The following IL12RB1 variants were observed in gnomAD, a reference collection of about 807,000 sequenced individuals.
IL12RB1 encodes interleukin-12 receptor subunit beta-1.
Under a neutral mutation model 94.4 loss-of-function variants are expected in IL12RB1, and 64 were observed. That is an observed-to-expected ratio of 0.68 (90% CI 0.55 to 0.83). The LOEUF (loss-of-function observed/expected upper bound fraction) is 0.83. Among genes scored for constraint, IL12RB1 ranks in the 40% least tolerant of loss-of-function variants. IL12RB1 has a pLI of 0.00. For missense variants in IL12RB1, 814 were observed against 855.6 expected (o/e 0.95, Z 0.61); for synonymous variants, 362 against 355.5 (o/e 1.02, Z -0.21).
chr19:18,075,872 G>A lies in IL12RB1; in HGVS notation c.581-4C>T. On this transcript the variant is annotated splice_region_variant and splice_polypyrimidine_tract_variant and intron_variant, in intron 6 of 16. Coordinates refer to ENST00000593993, the MANE Select transcript of IL12RB1 (RefSeq NM_005535.3). ...TCCAGGGGGCAGAGGCAGGACTCTG[G>A]GGAGAGGCAGGTCGAACATCAGGCC... 1 of 1,613,102 alleles carries A rather than the reference G, an allele frequency of 6.2e-7. No individual in the cohort carries two copies. The highest frequency in any genetic ancestry group is 1.1e-5 in the South Asian group (1 of 91,062).
intron 4 of IL12RB1, among the ~76,000 whole-genome samples, chr19:18,078,490 A>T (rs62121128): frequency 0.1 from 15,576 of 151,946 alleles, 949 homozygotes; most frequent in East Asian, 0.28. Context: ...AGTGAAGATA[A>T]CTTTAAAATA....
chr19:18,059,730 T>A, intron 16 of IL12RB1, 117 bp from the exon 17 acceptor site: 1 of 751,106 alleles, frequency 1.3e-6, no homozygotes. Flanking sequence ...AACCAGCCGT[T>A]GTGATTGAGA....
At chr19:18,060,247 G>C (rs1293431017) in intron 15 of IL12RB1, among the ~76,000 whole-genome samples, 162 bp from the exon 16 acceptor site, 4 of 152,214 alleles carry the variant, frequency 2.6e-5, no homozygotes, top group African/African-American at 7.2e-5. Flanking sequence ...GGGAGGCTGA[G>C]GCGGGTGGAT....
At chr19:18,067,092 G>T (rs1004451743) in intron 11 of IL12RB1, among the ~76,000 whole-genome samples, 3 of 151,296 alleles carry the variant, frequency 2.0e-5, no homozygotes, top group Admixed American at 6.6e-5. Context: ...GGGAGGCCAA[G>T]GTGGGTAGAT....
At chr19:18,064,208 C>T (rs1379019271) in intron 12 of IL12RB1, among the ~76,000 whole-genome samples, 198 bp from the exon 13 acceptor site, 3 of 144,970 alleles carry the variant, frequency 2.1e-5, no homozygotes, top group African/African-American at 5.2e-5. Flanking sequence ...GGCGCCATCT[C>T]GGCTCACTGC....
At chr19:18,070,079 G>T (rs2034913641) in intron 9 of IL12RB1, among the ~76,000 whole-genome samples, 2 of 152,020 alleles carry the variant, frequency 1.3e-5, no homozygotes, top group East Asian at 3.9e-4. Flanking sequence ...CCATTTCCTG[G>T]CTAATTTATT....
intron 7 of IL12RB1, among the ~76,000 whole-genome samples, chr19:18,075,236 T>C (rs2035371858): frequency 6.6e-6 from 1 of 150,656 alleles, no homozygotes; most frequent in African/African-American, 2.4e-5. Context: ...TCTTTTTCCA[T>C]TTTATTTTAT....
At chr19:18,060,289 G>C (rs551451708) in intron 15 of IL12RB1, among the ~76,000 whole-genome samples, 1 of 152,252 alleles carries the variant, frequency 6.6e-6, no homozygotes, top group Non-Finnish European at 1.5e-5. Context: ...GACCAGCCTG[G>C]AGAACATGGC....
intron 14 of IL12RB1, 34 bp downstream of exon 14, chr19:18,062,147 C>A: frequency 7.2e-7 from 1 of 1,394,658 alleles, no homozygotes; most frequent in South Asian, 1.2e-5. Flanking sequence ...GCATCATTAC[C>A]ATCGCTATGG....
At chr19:18,065,692 G>A (rs781231107) in intron 12 of IL12RB1, among the ~76,000 whole-genome samples, 11 of 152,016 alleles carry the variant, frequency 7.2e-5, no homozygotes, top group Admixed American at 5.3e-4. Context: ...GGTGGTGGGT[G>A]CCTGTAATCC....
chr19:18,077,966 A>G (rs1434117363), intron 4 of IL12RB1, among the ~76,000 whole-genome samples: 1 of 152,152 alleles, frequency 6.6e-6, no homozygotes, highest in African/African-American at 2.4e-5. Context: ...AAAATTAGCC[A>G]GGCATGGTAG....
upstream of IL12RB1, chr19:18,090,597 G>C (rs992269255): frequency 6.6e-6 from 1 of 152,346 alleles, no homozygotes; most frequent in African/African-American, 2.4e-5. Flanking sequence ...CCGTGCCTCA[G>C]GGCTTCCCCC....
intron 4 of IL12RB1, 123 bp from the exon 5 acceptor site, chr19:18,077,778 C>T: frequency 1.4e-6 from 1 of 727,554 alleles, no homozygotes. Flanking sequence ...GGGACACTTG[C>T]AGGTCCCAGC....
Position 18,072,259 on chromosome 19 carries a change from G to C in IL12RB1, c.874C>G (p.Pro292Ala). Reference protein sequence around the residue: ...YRLQLHMLSCPCKAKATRTLH... With the variant: ...YRLQLHMLSCACKAKATRTLH... ...GTCCTGGTGGCCTTGGCCTTACACG[G>C]GCAGGACAGCATGTGGAGCTGTAGT... The change falls in exon 9 of 17, where the codon CCG (proline) becomes GCG (alanine). Residue 292 changes from proline (P) to alanine (A), a missense_variant. Transcript: ENST00000593993. 1 of 1,614,106 alleles carries C rather than the reference G, an allele frequency of 6.2e-7. No individual in the cohort carries two copies. The highest frequency in any genetic ancestry group is 8.5e-7 in the Non-Finnish European group (1 of 1,179,982).
intron 10 of IL12RB1, 94 bp from the exon 11 acceptor site, chr19:18,068,620 A>G: frequency 1.9e-6 from 2 of 1,026,120 alleles, no homozygotes; most frequent in African/African-American, 3.2e-5. Flanking sequence ...GAACCCCCAG[A>G]AAACTCCTAC....
rs528449654 is a variant in IL12RB1 at position 18,070,958 on chromosome 19, C to T, written c.1021+1154G>A. 28 of 159,810 alleles carry T rather than the reference C, an allele frequency of 1.8e-4. 1 individual carries two copies. The Middle Eastern group carries it at 0.028, about 163-fold the overall frequency. The allele number at this position is 159,810 out of a possible 1,614,324, so 9.9% of individuals were successfully genotyped here. A position where few individuals can be genotyped will look rare whatever the true frequency, so the allele number is the denominator to read the frequency against. The stretch of plus-strand genomic sequence containing the variant: ...CTCAAAAATAATAAAAATAGTAGGT[C>T]GGCCACAGTGGCTCACACCTGTAAT... On this transcript the variant is annotated intron_variant, in intron 9 of 16. Transcript: ENST00000593993.
In IL12RB1 at chr19:18,063,925, G is replaced by A. The variant is rs139619268; in HGVS notation, c.1569C>T (p.Asp523=). The change falls in exon 13 of 17, where the codon GAC becomes GAT. Residue 523 remains aspartate, a synonymous_variant. Coordinates refer to ENST00000593993, the MANE Select transcript of IL12RB1 (RefSeq NM_005535.3). Reference sequence around the variant, plus strand: ...TCCAGACACCCCTCAGCCACGCTGTGTCTGCTCGCACCTGCACCGTGTAGG... The same window carrying A: ...TCCAGACACCCCTCAGCCACGCTGTATCTGCTCGCACCTGCACCGTGTAGG... ...GVAYTVQVRA[D]TAWLRGVWSQ... is the part of the protein sequence containing the mutation. The A allele has an allele frequency of 6.2e-7, 1 of 1,613,490 alleles. No individual in the cohort carries two copies. The highest frequency in any genetic ancestry group is 1.3e-5 in the African/African-American group (1 of 75,004).
intron 1 of IL12RB1, among the ~76,000 whole-genome samples, chr19:18,094,404 C>T (rs1173257993): frequency 2.6e-5 from 4 of 151,964 alleles, no homozygotes; most frequent in African/African-American, 9.7e-5. Flanking sequence ...GCTGGGATTA[C>T]AGACATGAGC....
At chr19:18,062,317 T>C (rs2146096297) in intron 13 of IL12RB1, 40 bp from the exon 14 acceptor site, 1 of 1,274,362 alleles carries the variant, frequency 7.8e-7, no homozygotes, top group Non-Finnish European at 1.1e-6. Context: ...GGCTACCTCC[T>C]GCCTCTTCCT....
Sources: allele counts gnomAD v4.1 joint callset (sites outside exome capture counted in the v4.1 genomes callset), GRCh38; gene constraint gnomAD v4.1.1; transcripts MANE v1.5; gene names NCBI Gene and HGNC (gene_info 2026-07-23, HGNC 2026-07-21).